The following ANKRD18B variants were observed in gnomAD, a reference collection of about 807,000 sequenced individuals.
ANKRD18B encodes ankyrin repeat domain-containing protein 18B.
In ANKRD18B, 75 loss-of-function variants were observed where a neutral mutation model predicts 111.8. That is an observed-to-expected ratio of 0.67 (90% CI 0.56 to 0.81). ANKRD18B has a LOEUF of 0.81. Ranked by LOEUF, ANKRD18B falls within the 40% of genes least tolerant of loss-of-function variation. The pLI is 0.00. For synonymous variants in ANKRD18B, 356 were observed against 417.3 expected (o/e 0.85, Z 1.79); for missense variants, 1,038 against 1,225.5 (o/e 0.85, Z 2.28).
chr9:33,567,194 A>G lies in ANKRD18B; in HGVS notation c.2834A>G (p.Glu945Gly), dbSNP rs1329797138. The change falls in exon 16 of 19, where the codon GAA (glutamate) becomes GGA (glycine). Residue 945 changes from glutamate (E) to glycine (G), a missense_variant. Glu to Gly is a moderately conservative substitution (Grantham distance 98). This residue lies in a region of ANKRD18B where 524 missense variants were observed against 677.9 expected (regional missense o/e 0.77). Transcript: ENST00000684830. The part of the protein sequence containing the change: ...KKKELTLKDV[E>G]CKFSKMKTAY... ...AAGGAACTCACACTTAAAGATGTGG[A>G]ATGTAAATTCTCCAAAATGAAAACA... 5 of 1,550,276 alleles carry G rather than the reference A, an allele frequency of 3.2e-6. No individual in the cohort carries two copies. The African/African-American group carries it at 6.9e-5, about 21-fold the overall frequency.
chr9:33,543,023 A>G (rs1828302530), intron 9 of ANKRD18B, among the ~76,000 whole-genome samples, 162 bp from the exon 10 acceptor site: 1 of 152,094 alleles, frequency 6.6e-6, no homozygotes, highest in African/African-American at 2.4e-5. Context: ...GTTTTAGATA[A>G]TTAGAAATGT....
chr9:33,541,031 T>C, intron 8 of ANKRD18B, 116 bp from the exon 9 acceptor site: 1 of 1,293,984 alleles, frequency 7.7e-7, no homozygotes, highest in Non-Finnish European at 1.1e-6. Flanking sequence ...GAGTGCAAGC[T>C]TCTAATGGGT....
At chr9:33,552,131 T>G (rs1448996312) in intron 12 of ANKRD18B, among the ~76,000 whole-genome samples, 1 of 152,222 alleles carries the variant, frequency 6.6e-6, no homozygotes, top group African/African-American at 2.4e-5. Flanking sequence ...CCATACCAAT[T>G]ATTTCTTCTT....
chr9:33,573,501 A>G (rs1182541463), downstream of ANKRD18B, among the ~76,000 whole-genome samples: 1 of 144,672 alleles, frequency 6.9e-6, no homozygotes, highest in Non-Finnish European at 1.6e-5. Flanking sequence ...GACACTCAGG[A>G]ATAGGGAAGA....
intron 9 of ANKRD18B, among the ~76,000 whole-genome samples, chr9:33,542,957 C>A (rs780418113): frequency 2.6e-5 from 4 of 151,406 alleles, no homozygotes; most frequent in Non-Finnish European, 4.4e-5. Flanking sequence ...GACCCTGAGA[C>A]TTTTGCATGG....
At chr9:33,549,060 C>T (rs1269287945) in intron 11 of ANKRD18B, among the ~76,000 whole-genome samples, 6 of 152,034 alleles carry the variant, frequency 3.9e-5, no homozygotes, top group Admixed American at 6.6e-5. Context: ...GGGCTGGAAG[C>T]GGGTCGTGAC....
intron 10 of ANKRD18B, among the ~76,000 whole-genome samples, chr9:33,544,482 A>G (rs1828327091): frequency 6.6e-6 from 1 of 152,208 alleles, no homozygotes; most frequent in African/African-American, 2.4e-5. Context: ...TGTCTCAAGA[A>G]CCAGAACTGA....
intron 12 of ANKRD18B, among the ~76,000 whole-genome samples, chr9:33,554,240 C>T (rs1376889858): frequency 6.6e-6 from 1 of 151,824 alleles, no homozygotes; most frequent in Non-Finnish European, 1.5e-5. Context: ...GGTGAATATC[C>T]TAAGGGTGAG....
chr9:33,527,321 G>C (rs1198722965), intron 1 of ANKRD18B, among the ~76,000 whole-genome samples: 1 of 149,368 alleles, frequency 6.7e-6, no homozygotes, highest in Non-Finnish European at 1.5e-5. Flanking sequence ...TTGTTTGTTT[G>C]TTTGTTTGTT....
intron 12 of ANKRD18B, among the ~76,000 whole-genome samples, chr9:33,550,945 A>G (rs1250045430): frequency 6.6e-6 from 1 of 152,210 alleles, no homozygotes; most frequent in East Asian, 1.9e-4. Context: ...GGAATATTCC[A>G]TCAAGTTGTC....
intron 5 of ANKRD18B, 127 bp from the exon 6 acceptor site, chr9:33,536,751 T>G: frequency 1.8e-6 from 1 of 566,654 alleles, no homozygotes; most frequent in Non-Finnish European, 2.9e-6. Context: ...TTTTAAAGTG[T>G]ATTGGACATT....
intron 14 of ANKRD18B, among the ~76,000 whole-genome samples, chr9:33,559,832 C>T (rs1412603673): frequency 2.0e-5 from 3 of 152,098 alleles, no homozygotes; most frequent in Non-Finnish European, 4.4e-5. Context: ...ATGCAATTCA[C>T]TCATTTAAAA....
intron 12 of ANKRD18B, among the ~76,000 whole-genome samples, chr9:33,551,184 TAGAG>T (rs1264187399): frequency 6.6e-6 from 1 of 152,224 alleles, no homozygotes; most frequent in African/African-American, 2.4e-5. Flanking sequence ...ACATCCAAAA[TAGAG>T]AGCTCAGAAA....
intron 14 of ANKRD18B, among the ~76,000 whole-genome samples, chr9:33,564,696 A>C (rs1433010684): frequency 6.6e-6 from 1 of 152,178 alleles, no homozygotes; most frequent in Non-Finnish European, 1.5e-5. Context: ...CTGAAACCTC[A>C]CCAGCACTTT....
intron 14 of ANKRD18B, among the ~76,000 whole-genome samples, chr9:33,564,675 T>A (rs1435587104): frequency 6.6e-6 from 1 of 152,156 alleles, no homozygotes; most frequent in Non-Finnish European, 1.5e-5. Flanking sequence ...CATGTAAGAG[T>A]TTACTGTTCT....
chr9:33,568,855 C>T lies in ANKRD18B; in HGVS notation c.3139C>T (p.Pro1047Ser), dbSNP rs1288181671. 4 of 1,551,106 alleles carry T rather than the reference C, an allele frequency of 2.6e-6. No individual in the cohort carries two copies. Among genetic ancestry groups the T allele is most frequent in the Admixed American group, 3.9e-5 (2 of 50,958 alleles). The change falls in exon 17 of 19, where the codon CCA (proline) becomes TCA (serine). Residue 1047 changes from proline (P) to serine (S), a missense_variant. Around this residue, in one of 4 missense-constraint regions of ANKRD18B, gnomAD observed 524 missense variants for 677.9 expected, o/e 0.77. Coordinates refer to ENST00000684830, the MANE Select transcript of ANKRD18B (RefSeq NM_001393611.1). Reference protein sequence around the residue: ...KMAIRIPTSNPQTSNNCKNSL... With the variant: ...KMAIRIPTSNSQTSNNCKNSL... The stretch of plus-strand genomic sequence containing the variant: ...GGCCATAAGAATTCCTACTTCAAAC[C>T]CACAGACTTCAAATAACTGCAAGAA...
intron 11 of ANKRD18B, 133 bp downstream of exon 11, chr9:33,548,988 A>G: frequency 1.0e-6 from 1 of 980,188 alleles, no homozygotes; most frequent in South Asian, 2.2e-5. Flanking sequence ...TTCCATTTAC[A>G]TGAATCATCC....
chr9:33,566,577 T>C (rs1828688650), intron 15 of ANKRD18B, 77 bp downstream of exon 15: 3 of 1,506,768 alleles, frequency 2.0e-6, no homozygotes, highest in African/African-American at 1.4e-5. Context: ...TTTGGATGTG[T>C]ATATATTGTG....
intron 14 of ANKRD18B, among the ~76,000 whole-genome samples, chr9:33,564,390 A>G (rs1828654811): frequency 6.6e-6 from 1 of 152,174 alleles, no homozygotes; most frequent in Non-Finnish European, 1.5e-5. Flanking sequence ...ATTTTTTTAT[A>G]TGGTGAGTAT....
Sources: allele counts gnomAD v4.1 joint callset (sites outside exome capture counted in the v4.1 genomes callset), GRCh38; gene constraint gnomAD v4.1.1; regional missense constraint gnomAD v4.1.1; transcripts MANE v1.5; gene names NCBI Gene and HGNC (gene_info 2026-07-23, HGNC 2026-07-21).